The following PTAR1 variants were observed in gnomAD, a reference collection of about 807,000 sequenced individuals.
PTAR1 encodes protein prenyltransferase alpha subunit repeat-containing protein 1.
A neutral mutation model predicts 45.5 loss-of-function variants in PTAR1; 17 were observed. That is an observed-to-expected ratio of 0.37 (90% confidence interval 0.26 to 0.56). The LOEUF (loss-of-function observed/expected upper bound fraction) is 0.56. Among genes scored for constraint, PTAR1 ranks in the 20% least tolerant of loss-of-function variants. The pLI is 0.77. For synonymous variants in PTAR1, 169 were observed against 171.3 expected (o/e 0.99, Z 0.11); for missense variants, 391 against 476.3 (o/e 0.82, Z 1.67).
intron 1 of PTAR1, among the ~76,000 whole-genome samples, chr9:69,755,307 C>T (rs1826723748): frequency 6.6e-6 from 1 of 152,202 alleles, no homozygotes. Flanking sequence ...AAGTATGATA[C>T]ATCTCTTTGA....
At position 69,712,923 on chromosome 9, in the gene PTAR1, A is replaced by G. The variant is rs1824580664; in HGVS notation, c.*5419T>C. 6.6e-6 allele frequency: 1 copy of G among 152,104 alleles called. No homozygotes were observed. Among genetic ancestry groups the G allele is most frequent in the South Asian group, 2.1e-4 (1 of 4,832 alleles). 9.4% of individuals were successfully genotyped at this position (152,104 alleles called of 1,614,324 possible). ...TCACAGAATATCTACTAGCTACTGTACTGGTAATAGTTTATAAAAAATACG... is the reference window on the plus strand; with the variant it reads ...TCACAGAATATCTACTAGCTACTGTGCTGGTAATAGTTTATAAAAAATACG... On this transcript the variant is annotated 3_prime_UTR_variant, in exon 8 of 8. Transcript: ENST00000340434.
chr9:69,744,044 T>C (rs909790533), intron 2 of PTAR1, among the ~76,000 whole-genome samples: 6 of 152,138 alleles, frequency 3.9e-5, no homozygotes, highest in African/African-American at 1.2e-4. Context: ...ACTTCACACA[T>C]AGTCTGCTCT....
chr9:69,748,422 C>A lies in PTAR1; in HGVS notation c.256+2359G>T, dbSNP rs1183480343. On this transcript the variant is annotated intron_variant, in intron 2 of 7. Coordinates refer to ENST00000340434, the MANE Select transcript of PTAR1 (RefSeq NM_001099666.2). Reference sequence around the variant, plus strand: ...CAGACTTAAAAAAAAAAAAATCAATCTCTAACTAACTAACTAAACAGGGAT... The same window carrying A: ...CAGACTTAAAAAAAAAAAAATCAATATCTAACTAACTAACTAAACAGGGAT... Among the ~76,000 whole-genome samples the A allele has an allele frequency of 4.6e-5, 7 of 151,372 alleles. No individual in the cohort carries two copies. The East Asian group carries it at 1.2e-3, about 25-fold the overall frequency.
At position 69,716,424 on chromosome 9, in the gene PTAR1, T is replaced by G. The variant is rs557733064; in HGVS notation, c.*1918A>C. On this transcript the variant is annotated 3_prime_UTR_variant, in exon 8 of 8. Transcript: ENST00000340434. ...TATAAAAGCTATAAAAAGGTAATTTTTTACTTGAGAGAAGAACAAATTCTG... is the reference window on the plus strand; with the variant it reads ...TATAAAAGCTATAAAAAGGTAATTTGTTACTTGAGAGAAGAACAAATTCTG... 6.8e-4 allele frequency: 104 copies of G among 152,290 alleles called. No homozygotes were observed. The highest frequency in any genetic ancestry group is 2.4e-3 in the African/African-American group (98 of 41,574). 9.4% of individuals were successfully genotyped at this position (152,290 alleles called of 1,614,324 possible).
Position 69,759,954 on chromosome 9 carries a change from G to C in PTAR1, c.-16C>G, listed in dbSNP as rs745942993. 10 of 1,484,612 alleles carry C rather than the reference G, an allele frequency of 6.7e-6. No homozygotes were observed. The East Asian group carries it at 1.2e-4, about 18-fold the overall frequency. The allele number at this position is 1,484,612 out of a possible 1,614,324, so 92.0% of individuals were successfully genotyped here. ...TCTCGGCCATGTTGGCGGCGGCCGC[G>C]ACAGTTCGGGCGCGCCTCCGCGTGA... On this transcript the variant is annotated 5_prime_UTR_variant, in exon 1 of 8. Coordinates refer to ENST00000340434, the MANE Select transcript of PTAR1 (RefSeq NM_001099666.2).
chr9:69,743,289 A>G (rs1216261343), intron 2 of PTAR1, among the ~76,000 whole-genome samples: 1 of 152,206 alleles, frequency 6.6e-6, no homozygotes, highest in African/African-American at 2.4e-5. Flanking sequence ...ATTGTTTCCA[A>G]CAAGTCAATT....
chr9:69,733,508 A>C (rs1334259684), intron 4 of PTAR1, among the ~76,000 whole-genome samples: 10 of 152,290 alleles, frequency 6.6e-5, no homozygotes, highest in South Asian at 6.2e-4. Flanking sequence ...GTAGTTACAC[A>C]GGGTCCAAGA....
At chr9:69,754,454 A>AAAAAC (rs1485992521) in intron 1 of PTAR1, among the ~76,000 whole-genome samples, 1 of 151,302 alleles carries the variant, frequency 6.6e-6, no homozygotes, top group Non-Finnish European at 1.5e-5. Context: ...AAAACTCAGG[A>AAAAAC]AAAACAAAAC....
At chr9:69,722,965 T>C (rs1235500585) in intron 6 of PTAR1, among the ~76,000 whole-genome samples, 1 of 141,386 alleles carries the variant, frequency 7.1e-6, no homozygotes, top group Admixed American at 7.2e-5. Context: ...AAAAGAGAGA[T>C]GGCAGCAATC....
intron 3 of PTAR1, among the ~76,000 whole-genome samples, chr9:69,735,960 A>T (rs991523417): frequency 2.0e-5 from 3 of 149,358 alleles, no homozygotes; most frequent in African/African-American, 2.4e-5. Flanking sequence ...TATATATATA[A>T]AATATATATT....
At position 69,750,814 on chromosome 9, in the gene PTAR1, A is replaced by G; in HGVS notation, c.223T>C (p.Tyr75His). 1 of 1,611,410 alleles carries G rather than the reference A, an allele frequency of 6.2e-7. No homozygotes were observed. Among genetic ancestry groups the G allele is most frequent in the Non-Finnish European group, 8.5e-7 (1 of 1,178,666 alleles). Residue 75 changes from tyrosine (Y) to histidine (H), a missense_variant, in exon 2 of 8, where the codon TAC (tyrosine) becomes CAC (histidine). Tyr to His is a moderately conservative substitution (Grantham distance 83, BLOSUM62 2). This residue lies in a region of PTAR1 where 152 missense variants were observed against 160.0 expected (regional missense o/e 0.95). Coordinates refer to ENST00000340434, the MANE Select transcript of PTAR1 (RefSeq NM_001099666.2). ...TTCAGCCATTGCTTTCTTGTTCTGT[A>G]CAAAAGGAGCTTGTTGTGGACATAT... ...LPYVHNKLLLYRTRKQWLNRD... is the reference protein window; with the variant it reads ...LPYVHNKLLLHRTRKQWLNRD...
intron 3 of PTAR1, among the ~76,000 whole-genome samples, chr9:69,736,340 C>T (rs1287664897): frequency 2.6e-5 from 4 of 152,236 alleles, no homozygotes; most frequent in East Asian, 1.9e-4. Context: ...AGGTGGATCA[C>T]GAGGTCAAGA....
intron 2 of PTAR1, among the ~76,000 whole-genome samples, chr9:69,746,979 C>A (rs889531543): frequency 1.3e-5 from 2 of 152,160 alleles, no homozygotes; most frequent in Admixed American, 6.5e-5. Context: ...CAGGTTACCA[C>A]AAGAAGTGAA....
At chr9:69,720,410 T>G (rs1338883395) in intron 6 of PTAR1, among the ~76,000 whole-genome samples, 1 of 152,024 alleles carries the variant, frequency 6.6e-6, no homozygotes, top group Non-Finnish European at 1.5e-5. Flanking sequence ...GGTGAGGAAG[T>G]TGGAGAAAAA....
rs7867274 is a variant in PTAR1, at chr9:69,741,304, G to C, written c.323+488C>G. ...GAACTCTTGGCCTATAACAAACACC[G>C]CCTACCTAAATCTGTTTCTCTTCCA... On this transcript the variant is annotated intron_variant, in intron 3 of 7. Coordinates refer to ENST00000340434, the MANE Select transcript of PTAR1 (RefSeq NM_001099666.2). 5.0e-3 allele frequency among the ~76,000 whole-genome samples: 768 copies of C among 152,080 alleles called. 7 individuals are homozygous for C. The highest frequency in any genetic ancestry group is 0.018 in the African/African-American group (734 of 41,456).
chr9:69,720,585 T>C (rs1824949708), intron 6 of PTAR1, among the ~76,000 whole-genome samples: 2 of 152,172 alleles, frequency 1.3e-5, no homozygotes, highest in Admixed American at 6.5e-5. Flanking sequence ...GACAAGAGAT[T>C]TGCAATGTAG....
rs371112400 is a variant in PTAR1, at chr9:69,735,097, T to G, written c.324-843A>C. 5.3e-5 allele frequency among the ~76,000 whole-genome samples: 8 copies of G among 152,342 alleles called. No homozygotes were observed. The East Asian group carries it at 7.7e-4, about 15-fold the overall frequency. ...CTATTAACAAGGTAAAATACTTACA[T>G]GACCCTTGATATACGAGGCCATTCC... On this transcript the variant is annotated intron_variant, in intron 3 of 7. Transcript: ENST00000340434.
intron 4 of PTAR1, 51 bp from the exon 5 acceptor site, chr9:69,732,403 G>A: frequency 1.5e-6 from 2 of 1,305,568 alleles, no homozygotes; most frequent in Non-Finnish European, 2.2e-6. Context: ...ATAAACCAGA[G>A]AGAAAAATAA....
Position 69,723,430 on chromosome 9 carries a change from T to G in PTAR1, c.843A>C (p.Thr281=), listed in dbSNP as rs1825119922. 4 of 1,613,928 alleles carry G rather than the reference T, an allele frequency of 2.5e-6. No individual in the cohort carries two copies. The highest frequency in any genetic ancestry group is 2.7e-5 in the African/African-American group (2 of 75,052). ...GGGGAAGATTAATCCTTGGTTCTTC[T>G]GTTGAAACTGCTGCTTCTTCATCTT... ...PPKDEEAAVS[T]EEPRINLPHL... The change falls in exon 6 of 8, where the codon ACA becomes ACC. Residue 281 remains threonine, a synonymous_variant. Transcript: ENST00000340434.
Sources: gnomAD v4.1 joint callset for allele counts (sites outside exome capture counted in the v4.1 genomes callset) on GRCh38, gnomAD v4.1.1 for gene constraint, gnomAD v4.1.1 regional missense constraint, MANE v1.5 for transcripts, NCBI Gene and HGNC (gene_info 2026-07-23, HGNC 2026-07-21) for gene names.